Variants in MRE11 observed in about 807,000 individuals in gnomAD.
The protein encoded by MRE11 is double-strand break repair protein MRE11.
Under a neutral mutation model 91.7 loss-of-function variants are expected in MRE11, and 62 were observed. The observed-to-expected ratio is 0.68, with a 90% CI of 0.55 to 0.84. The LOEUF is 0.84. Ranked by LOEUF, MRE11 falls within the 40% of genes least tolerant of loss-of-function variation. The probability of loss-of-function intolerance (pLI) is 0.00; values close to 1 mark genes in which losing one functional copy is unlikely to be tolerated. For synonymous variants in MRE11, 273 were observed against 271.4 expected (o/e 1.01, Z -0.06); for missense variants, 796 against 852.9 (o/e 0.93, Z 0.83).
upstream of MRE11, chr11:94,497,783 G>T: frequency 3.1e-6 from 1 of 317,892 alleles, no homozygotes; most frequent in African/African-American, 2.2e-5. Context: ...TTGGACTGAA[G>T]CTTTTATGCA....
At position 94,419,211 on chromosome 11, in the gene MRE11, T is replaced by C. The variant is rs1591619580; in HGVS notation, c.*914A>G. ...TTCTGGAATTGCCCATTCAGAAATG[T>C]ATCACAGGAACCAAAGTTGAGATAA... is the stretch of plus-strand genomic sequence containing the variant. On this transcript the variant is annotated 3_prime_UTR_variant, in exon 20 of 20. Transcript: ENST00000323929. 10 of 232,822 alleles carry C rather than the reference T, an allele frequency of 4.3e-5. No individual in the cohort carries two copies. In the East Asian group the frequency reaches 6.1e-4, roughly 14 times the overall value. The allele number at this position is 232,822 out of a possible 1,614,324, so 14.4% of individuals were successfully genotyped here.
chr11:94,490,758 C>CT (rs763176969), intron 3 of MRE11, 75 bp downstream of exon 3: 32 of 1,557,828 alleles, frequency 2.1e-5, no homozygotes, highest in Non-Finnish European at 2.7e-5. Context: ...AAACAAATCT[C>CT]TAACTTTAGA....
At chr11:94,495,309 T>G (rs1001272719), upstream of MRE11, among the ~76,000 whole-genome samples, 1 of 152,132 alleles carries the variant, frequency 6.6e-6, no homozygotes, top group African/African-American at 2.4e-5. Context: ...AGACTTTAAT[T>G]AAATGTAATG....
chr11:94,435,752 G>T, intron 18 of MRE11, 80 bp downstream of exon 18: 1 of 1,257,222 alleles, frequency 8.0e-7, no homozygotes, highest in Non-Finnish European at 1.2e-6. Flanking sequence ...ACATGGCATA[G>T]AAAAATGTGT....
the MRE11 span, among the ~76,000 whole-genome samples, chr11:94,507,163 G>C: frequency 2.0e-5 from 3 of 152,074 alleles, no homozygotes; most frequent in Admixed American, 2.0e-4. Flanking sequence ...TCCCTCAAAG[G>C]TAACTATAAT....
At chr11:94,470,307 T>A (rs1946671737) in intron 9 of MRE11, among the ~76,000 whole-genome samples, 164 bp downstream of exon 9, 1 of 151,826 alleles carries the variant, frequency 6.6e-6, no homozygotes, top group African/African-American at 2.4e-5. Context: ...AAAAAAAAAA[T>A]CTTGGACACA....
chr11:94,435,938 A>G, intron 17 of MRE11, 39 bp from the exon 18 acceptor site: 1 of 1,506,166 alleles, frequency 6.6e-7, no homozygotes, highest in African/African-American at 1.4e-5. Flanking sequence ...TTTTGTGAGA[A>G]TAGACTCTGA....
At chr11:94,439,126 T>G (rs1028311524) in intron 16 of MRE11, among the ~76,000 whole-genome samples, 3 of 152,198 alleles carry the variant, frequency 2.0e-5, no homozygotes, top group African/African-American at 7.2e-5. Flanking sequence ...ATTTCCATAC[T>G]CCATGGACCT....
At chr11:94,441,743 G>A (rs112370076) in intron 16 of MRE11, among the ~76,000 whole-genome samples, 6,318 of 152,158 alleles carry the variant, frequency 0.042, 181 homozygotes, top group Non-Finnish European at 0.058. Context: ...TTGGGAGGCC[G>A]AGGCAGGAGG....
Position 94,460,997 on chromosome 11 carries a change from G to A in MRE11, c.1265C>T (p.Ser422Leu), listed in dbSNP as rs891174993. 6.2e-7 allele frequency: 1 copy of A among 1,613,668 alleles called. No homozygotes were observed. The highest frequency in any genetic ancestry group is 1.3e-5 in the African/African-American group (1 of 75,034). ...TTCTACCCTTAAAGTTGTTCCTTCTGAAGGCTTTGTGATAAGTTTCCCAAA... is the reference window on the plus strand; with the variant it reads ...TTCTACCCTTAAAGTTGTTCCTTCTAAAGGCTTTGTGATAAGTTTCCCAAA... ...INFGKLITKP[S>L]EGTTLRVEDL... Residue 422 changes from serine to leucine, a missense_variant, in exon 12 of 20, where the codon TCA becomes TTA. Transcript: ENST00000323929.
Position 94,440,186 on chromosome 11 carries a change from A to C in MRE11, c.1868-2951T>G, listed in dbSNP as rs142690551. Among the ~76,000 whole-genome samples the C allele has an allele frequency of 2.9e-3, 439 of 152,336 alleles. 2 individuals are homozygous for C. Among genetic ancestry groups the C allele is most frequent in the African/African-American group, 0.01 (417 of 41,576 alleles). On this transcript the variant is annotated intron_variant, in intron 16 of 19. Transcript: ENST00000323929. ...TCAGGAAATCTGACGTTTCGTATTT[A>C]GTTTATTTACATAGCCTCTTTTCAT... is the stretch of plus-strand genomic sequence containing the variant.
intron 17 of MRE11, 79 bp downstream of exon 17, chr11:94,437,098 T>C (rs1945638305): frequency 7.9e-7 from 1 of 1,265,804 alleles, no homozygotes; most frequent in Admixed American, 2.0e-5. Flanking sequence ...TTTATTTACT[T>C]TGTAAATCAG....
At chr11:94,509,992 G>A in the MRE11 span, among the ~76,000 whole-genome samples, 1 of 151,966 alleles carries the variant, frequency 6.6e-6, no homozygotes, top group Non-Finnish European at 1.5e-5. Context: ...TTCCTTTTTA[G>A]TAATGTTCTT....
At position 94,434,440 on chromosome 11, in the gene MRE11, T is replaced by C. The variant is rs1233374840; in HGVS notation, c.1994+1392A>G. On this transcript the variant is annotated intron_variant, in intron 18 of 19. Transcript: ENST00000323929. The stretch of plus-strand genomic sequence containing the variant: ...TTCTTTAAGTATTTAATTTCTAACG[T>C]TAGGGAGAAATTGACTTACATCTAA... 2.0e-5 allele frequency among the ~76,000 whole-genome samples: 3 copies of C among 152,118 alleles called. No individual in the cohort carries two copies. The South Asian group carries it at 6.2e-4, about 32-fold the overall frequency.
intron 7 of MRE11, 116 bp from the exon 8 acceptor site, chr11:94,471,875 T>C: frequency 1.2e-6 from 1 of 807,080 alleles, no homozygotes; most frequent in South Asian, 1.7e-5. Flanking sequence ...TCCTTCTATG[T>C]ACCAGAAAGT....
chr11:94,421,044 A>G (rs555216213), intron 19 of MRE11, among the ~76,000 whole-genome samples: 2 of 152,308 alleles, frequency 1.3e-5, no homozygotes, highest in South Asian at 4.1e-4. Flanking sequence ...AAAAAAAAAA[A>G]AGAGTTCCCA....
chr11:94,480,591 G>A (rs1043928187), intron 4 of MRE11, among the ~76,000 whole-genome samples: 3 of 152,210 alleles, frequency 2.0e-5, no homozygotes, highest in Non-Finnish European at 4.4e-5. Flanking sequence ...GACCTGTAAA[G>A]GAATACCTGG....
chr11:94,464,720 TTGAGA>T (rs1946516893), intron 10 of MRE11, among the ~76,000 whole-genome samples: 1 of 152,232 alleles, frequency 6.6e-6, no homozygotes, highest in African/African-American at 2.4e-5. Flanking sequence ...TCTGTGAGCC[TTGAGA>T]AATGATTACC....
the MRE11 span, among the ~76,000 whole-genome samples, chr11:94,508,883 T>C: frequency 1.3e-5 from 2 of 151,700 alleles, no homozygotes; most frequent in South Asian, 2.1e-4. Context: ...TGCCTCAGCC[T>C]CCCCAGTAGC....
Sources: allele counts gnomAD v4.1 joint callset (sites outside exome capture counted in the v4.1 genomes callset), GRCh38; gene constraint gnomAD v4.1.1; transcripts MANE v1.5; gene names NCBI Gene and HGNC (gene_info 2026-07-23, HGNC 2026-07-21).